Variants in PVALB observed in about 807,000 individuals in gnomAD.
PVALB encodes the protein parvalbumin, also known as parvalbumin alpha.
A neutral mutation model predicts 10.9 loss-of-function variants in PVALB; 11 were observed. That is an observed-to-expected ratio of 1.01 (90% confidence interval 0.63 to 1.67). The LOEUF is 1.67. Ranked by LOEUF, PVALB falls within the 40% of genes most tolerant of loss-of-function variation. The pLI is 0.00. For missense variants in PVALB, 131 were observed against 136.2 expected, an observed-to-expected ratio of 0.96 and a Z score of 0.19; for synonymous variants, 57 against 50.7, an observed-to-expected ratio of 1.12 and a Z score of -0.53.
rs953019928 is a variant in PVALB at position 36,808,989 on chromosome 22, C to T, written c.304+4657G>A. Among the ~76,000 whole-genome samples, 10 of 152,142 alleles carry T rather than the reference C, an allele frequency of 6.6e-5. No individual in the cohort carries two copies. The East Asian group carries it at 7.7e-4, about 12-fold the overall frequency. ...TTCCTGGAAGTAGTTGCCCCAGAGA[C>T]GGGAATGCAAAGGGTTATTATTAGA... On this transcript the variant is annotated intron_variant, in intron 3 of 3. Transcript: ENST00000417718.
Position 36,816,720 on chromosome 22 carries a change from C to T in PVALB, c.61+225G>A, listed in dbSNP as rs568324593. Among the ~76,000 whole-genome samples the T allele has an allele frequency of 4.6e-5, 7 of 152,332 alleles. No homozygotes were observed. In the East Asian group the frequency reaches 1.4e-3, roughly 29 times the overall value. ...CTTCAGCACCCTCAAGTTTCTGTAA[C>T]TTAGGCGGGGCGCCCTCTTCCCCGC... On this transcript the variant is annotated intron_variant, in intron 1 of 3. Transcript: ENST00000417718.
intron 3 of PVALB, among the ~76,000 whole-genome samples, chr22:36,801,784 A>AT (rs1938869510): frequency 6.6e-6 from 1 of 152,158 alleles, no homozygotes; most frequent in South Asian, 2.1e-4. Context: ...TGGGCAATAG[A>AT]GTCAGACTCT....
At chr22:36,805,973 G>T (rs1005927842) in intron 3 of PVALB, among the ~76,000 whole-genome samples, 5 of 152,118 alleles carry the variant, frequency 3.3e-5, no homozygotes, top group Admixed American at 6.5e-5. Flanking sequence ...ACATCCATCC[G>T]TGGCAACTTA....
chr22:36,804,821 G>A (rs918802870), intron 3 of PVALB, among the ~76,000 whole-genome samples: 2 of 152,032 alleles, frequency 1.3e-5, no homozygotes, highest in Non-Finnish European at 2.9e-5. Context: ...GTAATCCCAG[G>A]TACTCAGTAG....
At chr22:36,813,603 C>G (rs1438061398) in intron 3 of PVALB, 43 bp downstream of exon 3, 2 of 1,514,978 alleles carry the variant, frequency 1.3e-6, no homozygotes, top group Admixed American at 1.7e-5. Context: ...TCCAACACCC[C>G]AAGATCCACA....
chr22:36,810,439 G>C (rs1939028943), intron 3 of PVALB, among the ~76,000 whole-genome samples: 1 of 152,324 alleles, frequency 6.6e-6, no homozygotes, highest in Middle Eastern at 3.4e-3. Context: ...GAGTGAGGAA[G>C]GGGGCATCTG....
At chr22:36,805,237 G>A (rs1601518968) in intron 3 of PVALB, among the ~76,000 whole-genome samples, 2 of 152,086 alleles carry the variant, frequency 1.3e-5, no homozygotes, top group South Asian at 2.1e-4. Flanking sequence ...TGTGACCTTC[G>A]ACTAGATGCT....
At position 36,800,728 on chromosome 22, in the gene PVALB, T is replaced by G. The variant is rs1351036056; in HGVS notation, c.*162A>C. On this transcript the variant is annotated 3_prime_UTR_variant, in exon 4 of 4. Transcript: ENST00000417718. ...TGACTGGTACAACCTTTATTGCTTC[T>G]CCAGCATTTTCCAGAAGAATGGTGT... is the stretch of plus-strand genomic sequence containing the variant. 1.3e-6 allele frequency: 1 copy of G among 793,020 alleles called. No individual in the cohort carries two copies. Among genetic ancestry groups the G allele is most frequent in the Non-Finnish European group, 2.1e-6 (1 of 466,502 alleles). 49.1% of individuals were successfully genotyped at this position (793,020 alleles called of 1,614,324 possible).
chr22:36,812,771 C>T (rs1734538621), intron 3 of PVALB, among the ~76,000 whole-genome samples: 1 of 152,228 alleles, frequency 6.6e-6, no homozygotes, highest in African/African-American at 2.4e-5. Flanking sequence ...GTTGCAAACA[C>T]TCATTCAGGC....
At chr22:36,806,594 C>T (rs1938953823) in intron 3 of PVALB, among the ~76,000 whole-genome samples, 1 of 152,098 alleles carries the variant, frequency 6.6e-6, no homozygotes, top group Non-Finnish European at 1.5e-5. Flanking sequence ...TATCACCTCA[C>T]CTCTAAATAG....
Position 36,815,172 on chromosome 22 carries a change from T to C in PVALB, c.125A>G (p.Asp42Gly). The change falls in exon 2 of 4, where the codon GAT becomes GGT. Residue 42 changes from aspartate (D) to glycine (G), a missense_variant. Coordinates refer to ENST00000417718, the MANE Select transcript of PVALB (RefSeq NM_001315532.2). ...CATGTGAAACACCTTCTTCACATCA[T>C]CCGCACTCTTTTTCTTCAGGCCGAC... is the stretch of plus-strand genomic sequence containing the variant. ...QMVGLKKKSADDVKKVFHMLD... is the reference protein window; with the variant it reads ...QMVGLKKKSAGDVKKVFHMLD... 1 of 1,614,240 alleles carries C rather than the reference T, an allele frequency of 6.2e-7. No individual in the cohort carries two copies. Among genetic ancestry groups the C allele is most frequent in the Non-Finnish European group, 8.5e-7 (1 of 1,180,030 alleles).
chr22:36,809,580 C>A (rs1272061550), intron 3 of PVALB, among the ~76,000 whole-genome samples: 3 of 152,166 alleles, frequency 2.0e-5, no homozygotes, highest in African/African-American at 4.8e-5. Context: ...CCTCTCTGAG[C>A]CTCAGTGTGC....
chr22:36,804,229 C>G (rs1473065719), intron 3 of PVALB, among the ~76,000 whole-genome samples: 1 of 152,214 alleles, frequency 6.6e-6, no homozygotes, highest in African/African-American at 2.4e-5. Flanking sequence ...CACCTTCACA[C>G]TAGACGGGAT....
chr22:36,818,725 C>G (rs1939191300), upstream of PVALB: 1 of 152,360 alleles, frequency 6.6e-6, no homozygotes, highest in Non-Finnish European at 1.5e-5. Flanking sequence ...GACGCTTCAG[C>G]TATACCAGTG....
At chr22:36,803,497 TG>T (rs1938901353) in intron 3 of PVALB, among the ~76,000 whole-genome samples, 1 of 151,918 alleles carries the variant, frequency 6.6e-6, no homozygotes, top group Admixed American at 6.6e-5. Context: ...AAATAAGCTC[TG>T]GGTGGATGGA....
intron 3 of PVALB, among the ~76,000 whole-genome samples, chr22:36,807,304 T>C (rs1744034768): frequency 6.6e-6 from 1 of 152,028 alleles, no homozygotes; most frequent in South Asian, 2.1e-4. Context: ...CCCCTAAACC[T>C]CATTGAGCTG....
At chr22:36,816,867 G>C in intron 1 of PVALB, 78 bp downstream of exon 1, 2 of 1,304,858 alleles carry the variant, frequency 1.5e-6, no homozygotes, top group Non-Finnish European at 2.1e-6. Flanking sequence ...GGATCCGCCG[G>C]CTGCGGGGCC....
At chr22:36,808,164 C>T (rs1938987876) in intron 3 of PVALB, among the ~76,000 whole-genome samples, 1 of 152,228 alleles carries the variant, frequency 6.6e-6, no homozygotes, top group South Asian at 2.1e-4. Context: ...TGAGGCTTCA[C>T]AGCAAGTCGC....
intron 2 of PVALB, among the ~76,000 whole-genome samples, chr22:36,814,199 G>A (rs1230306499): frequency 2.0e-5 from 3 of 152,150 alleles, no homozygotes; most frequent in African/African-American, 7.2e-5. Flanking sequence ...CACCTGCGGT[G>A]AGGGGAGGAG....
Sources: gnomAD v4.1 joint callset for allele counts (sites outside exome capture counted in the v4.1 genomes callset) on GRCh38, gnomAD v4.1.1 for gene constraint, MANE v1.5 for transcripts, NCBI Gene and HGNC (gene_info 2026-07-23, HGNC 2026-07-21) for gene names.